Variants in KXD1 observed in about 807,000 individuals in gnomAD.
KXD1 encodes the protein KxDL motif containing 1, also known as kxDL motif-containing protein 1.
KXD1 carries 5 observed loss-of-function variants against 12.1 expected under a neutral mutation model. That is an observed-to-expected ratio of 0.41 (90% CI 0.22 to 0.87). KXD1 has a LOEUF of 0.87. KXD1 is among the 40% of genes least tolerant of loss of function. The pLI is 0.31. For synonymous variants in KXD1, 98 were observed against 100.5 expected (o/e 0.98, Z 0.15); for missense variants, 193 against 244.9 (o/e 0.79, Z 1.41).
chr19:18,561,844 C>T (rs1974927953), intron 1 of KXD1, 192 bp from the exon 2 acceptor site: 1 of 481,832 alleles, frequency 2.1e-6, no homozygotes, highest in African/African-American at 2.0e-5. Flanking sequence ...TCTTAGTTTG[C>T]CCAATACCTC....
chr19:18,568,671 G>A lies in KXD1; in HGVS notation c.*40G>A. ...GCCTTGAGGGGGTCTCAGGGCAGCAGCATACAAGGTGGCAGCGGGTAACCC... is the reference window on the plus strand; with the variant it reads ...GCCTTGAGGGGGTCTCAGGGCAGCAACATACAAGGTGGCAGCGGGTAACCC... On this transcript the variant is annotated 3_prime_UTR_variant, in exon 5 of 5. Transcript: ENST00000222307. 1.3e-6 allele frequency: 2 copies of A among 1,501,746 alleles called. No individual in the cohort carries two copies. Among genetic ancestry groups the A allele is most frequent in the South Asian group, 1.1e-5 (1 of 87,888 alleles). 93.0% of individuals were successfully genotyped at this position (1,501,746 alleles called of 1,614,324 possible). A position where few individuals can be genotyped will look rare whatever the true frequency, so the allele number is the denominator to read the frequency against.
At chr19:18,562,260 G>A in intron 2 of KXD1, 103 bp downstream of exon 2, 2 of 832,396 alleles carry the variant, frequency 2.4e-6, no homozygotes, top group South Asian at 3.5e-5. Flanking sequence ...GTGATAAAAT[G>A]AAGGAAATGA....
intron 1 of KXD1, chr19:18,559,875 C>CT (rs1031833338): frequency 6.6e-6 from 1 of 151,900 alleles, no homozygotes; most frequent in African/African-American, 2.4e-5. Context: ...CTTTCTTTCT[C>CT]TTTCCTTTCT....
chr19:18,558,964 T>G (rs1977023399), intron 1 of KXD1: 1 of 137,604 alleles, frequency 7.3e-6, no homozygotes, highest in African/African-American at 2.7e-5. Flanking sequence ...TGGGCCTCCC[T>G]CTCCAGGTGT....
chr19:18,558,002 C>G (rs1157857061), intron 1 of KXD1, 88 bp downstream of exon 1: 3 of 152,418 alleles, frequency 2.0e-5, no homozygotes, highest in South Asian at 4.1e-4. Context: ...CGGGCGCGGC[C>G]CCCGGGCTGC....
intron 3 of KXD1, 69 bp downstream of exon 3, chr19:18,565,090 C>T (rs1285151352): frequency 3.2e-6 from 5 of 1,579,594 alleles, no homozygotes; most frequent in Non-Finnish European, 4.3e-6. Context: ...CCTCAGTTTC[C>T]TTCACATACC....
chr19:18,563,863 C>T (rs1975059068), intron 2 of KXD1, among the ~76,000 whole-genome samples: 1 of 151,336 alleles, frequency 6.6e-6, no homozygotes, highest in Non-Finnish European at 1.5e-5. Context: ...TCAAGTGATC[C>T]ACCCTGCCTC....
intron 4 of KXD1, 72 bp downstream of exon 4, chr19:18,567,250 C>A: frequency 6.8e-7 from 1 of 1,478,008 alleles, no homozygotes; most frequent in South Asian, 1.1e-5. Flanking sequence ...TCTGGAAGGC[C>A]ACCTTGGGGC....
At position 18,568,594 on chromosome 19, in the gene KXD1, G is replaced by A. The variant is rs536069800; in HGVS notation, c.494G>A (p.Arg165His). Reference sequence around the variant, plus strand: ...CCTGGCTCCCCAGCCATCAACGGCCGCAGCCAGACAGATGACGAGGAGATG... The same window carrying A: ...CCTGGCTCCCCAGCCATCAACGGCCACAGCCAGACAGATGACGAGGAGATG... Reference protein sequence around the residue: ...VQPGSPAINGRSQTDDEEMTG... With the variant: ...VQPGSPAINGHSQTDDEEMTG... Residue 165 changes from arginine (R) to histidine (H), a missense_variant, in exon 5 of 5, where the codon CGC becomes CAC. Physicochemically the swap from Arg to His is conservative, Grantham distance 29. Coordinates refer to ENST00000222307, the MANE Select transcript of KXD1 (RefSeq NM_024069.4). 3.7e-5 allele frequency: 60 copies of A among 1,612,746 alleles called. No homozygotes were observed. Among genetic ancestry groups the A allele is most frequent in the East Asian group, 3.3e-4 (15 of 44,886 alleles).
chr19:18,561,989 C>T, intron 1 of KXD1, 47 bp from the exon 2 acceptor site: 1 of 1,319,376 alleles, frequency 7.6e-7, no homozygotes, highest in Non-Finnish European at 1.1e-6. Flanking sequence ...CTTGGTCCCA[C>T]CTCACCTGGT....
At chr19:18,563,557 A>G (rs1975037988) in intron 2 of KXD1, among the ~76,000 whole-genome samples, 1 of 151,956 alleles carries the variant, frequency 6.6e-6, no homozygotes, top group Non-Finnish European at 1.5e-5. Flanking sequence ...AGGCTGGAGC[A>G]CAGTGGCGCA....
chr19:18,562,229 C>T, intron 2 of KXD1, 72 bp downstream of exon 2: 3 of 1,175,468 alleles, frequency 2.6e-6, no homozygotes, highest in South Asian at 1.4e-5. Flanking sequence ...TCTTGCCCGC[C>T]CCTACCCGGG....
At position 18,562,041 on chromosome 19, in the gene KXD1, G is replaced by A. The variant is rs773569963; in HGVS notation, c.-16G>A. 1.7e-5 allele frequency: 27 copies of A among 1,606,302 alleles called. No homozygotes were observed. The highest frequency in any genetic ancestry group is 1.1e-4 in the East Asian group (5 of 44,716). ...TCTGTTCTTGCCTGTTTCAGGCAGCGGAGGAGGAGAAAGAGATGGACCTCC... is the reference window on the plus strand; with the variant it reads ...TCTGTTCTTGCCTGTTTCAGGCAGCAGAGGAGGAGAAAGAGATGGACCTCC... On this transcript the variant is annotated 5_prime_UTR_variant, in exon 2 of 5. Coordinates refer to ENST00000222307, the MANE Select transcript of KXD1 (RefSeq NM_024069.4).
chr19:18,568,161 G>C (rs994008009), intron 4 of KXD1, among the ~76,000 whole-genome samples: 7 of 151,918 alleles, frequency 4.6e-5, no homozygotes, highest in African/African-American at 1.7e-4. Context: ...CAGCTACTCA[G>C]GAGGTTAAGG....
Position 18,568,526 on chromosome 19 carries a change from G to A in KXD1, c.426G>A (p.Ser142=), listed in dbSNP as rs755014654. The A allele has an allele frequency of 1.9e-5, 31 of 1,613,864 alleles. No homozygotes were observed. In the Admixed American group the frequency reaches 3.5e-4, roughly 18 times the overall value. The change falls in exon 5 of 5, where the codon TCG becomes TCA. Residue 142 remains serine (S), a synonymous_variant. Coordinates refer to ENST00000222307, the MANE Select transcript of KXD1 (RefSeq NM_024069.4). ...GTGACACCAGCCCCGACACCGTCTC[G>A]CCCTCCCTGAGCCCCGGCTTCGAGG... ...GSCDTSPDTV[S]PSLSPGFEDL...
intron 3 of KXD1, among the ~76,000 whole-genome samples, chr19:18,566,792 CAAA>C (rs112810621): frequency 1.8e-5 from 2 of 113,704 alleles, no homozygotes; most frequent in African/African-American, 3.2e-5. Context: ...GATTCTGTCT[CAAA>C]AAAAAAAAAA....
chr19:18,567,418 A>T (rs1975303029), intron 4 of KXD1: 2 of 667,252 alleles, frequency 3.0e-6, no homozygotes, highest in African/African-American at 3.6e-5. Context: ...GAATGTGGAT[A>T]AGCAGCATGA....
intron 1 of KXD1, chr19:18,561,810 G>C (rs565785473): frequency 2.0e-4 from 77 of 381,872 alleles, no homozygotes; most frequent in Non-Finnish European, 3.0e-4. Flanking sequence ...AATGTGCTTG[G>C]GTACAGTTTA....
At chr19:18,567,943 G>C (rs1429773723) in intron 4 of KXD1, among the ~76,000 whole-genome samples, 1 of 152,106 alleles carries the variant, frequency 6.6e-6, no homozygotes, top group Non-Finnish European at 1.5e-5. Flanking sequence ...TTCCCTGCCT[G>C]GGCCTCAGTT....
Sources: gnomAD v4.1 joint callset for allele counts (sites outside exome capture counted in the v4.1 genomes callset) on GRCh38, gnomAD v4.1.1 for gene constraint, MANE v1.5 for transcripts, NCBI Gene and HGNC (gene_info 2026-07-23, HGNC 2026-07-21) for gene names.